Variants in TAS2R1 observed in about 807,000 individuals in gnomAD.
TAS2R1 encodes the protein taste receptor type 2 member 1.
For missense variants in TAS2R1, 370 were observed against 353.4 expected (o/e 1.05, Z -0.38); for synonymous variants, 141 against 134.2 (o/e 1.05, Z -0.35).
chr5:9,713,441 C>T (rs1579796855), upstream of TAS2R1, among the ~76,000 whole-genome samples: 1 of 151,998 alleles, frequency 6.6e-6, no homozygotes, highest in South Asian at 2.1e-4. Context: ...TTTGCAAATG[C>T]GTCTTCTGCT....
At chr5:9,866,823 G>C in the TAS2R1 span, among the ~76,000 whole-genome samples, 2 of 152,214 alleles carry the variant, frequency 1.3e-5, no homozygotes, top group African/African-American at 4.8e-5. Flanking sequence ...CCAAATGCCA[G>C]ACACCTCTCT....
At chr5:9,807,302 TG>T in the TAS2R1 span, among the ~76,000 whole-genome samples, 3 of 152,148 alleles carry the variant, frequency 2.0e-5, no homozygotes, top group African/African-American at 7.2e-5. Flanking sequence ...ACACTGTGGG[TG>T]GGAATGTAAA....
At chr5:9,763,720 A>G in the TAS2R1 span, among the ~76,000 whole-genome samples, 22 of 152,198 alleles carry the variant, frequency 1.4e-4, 1 homozygote, top group African/African-American at 1.2e-4. Context: ...ATGAGAGGGT[A>G]GAGCCAAGTG....
chr5:9,650,922 ATAAT>A (rs1163680563), intron 2 of TAS2R1, among the ~76,000 whole-genome samples: 1 of 152,234 alleles, frequency 6.6e-6, no homozygotes, highest in Non-Finnish European at 1.5e-5. Flanking sequence ...GAATGAATGT[ATAAT>A]TAAATGTTTA....
At chr5:9,710,073 C>T (rs191032124) in intron 1 of TAS2R1, among the ~76,000 whole-genome samples, 6 of 152,348 alleles carry the variant, frequency 3.9e-5, no homozygotes, top group Middle Eastern at 3.4e-3. Flanking sequence ...AAATAGACAT[C>T]ATAACATCTT....
At chr5:9,657,194 C>G (rs1466635122) in intron 2 of TAS2R1, among the ~76,000 whole-genome samples, 1 of 151,772 alleles carries the variant, frequency 6.6e-6, no homozygotes, top group Non-Finnish European at 1.5e-5. Flanking sequence ...TTTAATTTTT[C>G]TTTTCATTTT....
the TAS2R1 span, among the ~76,000 whole-genome samples, chr5:9,720,298 G>C: frequency 1.3e-5 from 2 of 152,310 alleles, no homozygotes; most frequent in African/African-American, 4.8e-5. Context: ...GTCTGGGCTG[G>C]GCTTTCCTGG....
the TAS2R1 span, among the ~76,000 whole-genome samples, chr5:9,761,695 C>T: frequency 6.6e-6 from 1 of 152,198 alleles, no homozygotes; most frequent in Non-Finnish European, 1.5e-5. Context: ...TCCTCTGCGT[C>T]TGCTCTCTGC....
At chr5:9,821,739 AT>A in the TAS2R1 span, among the ~76,000 whole-genome samples, 1 of 152,376 alleles carries the variant, frequency 6.6e-6, no homozygotes, top group Non-Finnish European at 1.5e-5. Context: ...ATTTGGTGGT[AT>A]GTTATTTTGT....
chr5:9,636,990 T>C (rs1739976052), intron 2 of TAS2R1, among the ~76,000 whole-genome samples: 1 of 152,092 alleles, frequency 6.6e-6, no homozygotes, highest in Non-Finnish European at 1.5e-5. Context: ...ACCTTGTTTT[T>C]TTTTTTCCAT....
chr5:9,816,663 T>C, the TAS2R1 span, among the ~76,000 whole-genome samples: 1 of 152,128 alleles, frequency 6.6e-6, no homozygotes, highest in African/African-American at 2.4e-5. Flanking sequence ...AAAAGCAATA[T>C]TACTAGAGGC....
chr5:9,873,168 C>G, the TAS2R1 span, among the ~76,000 whole-genome samples: 1 of 152,174 alleles, frequency 6.6e-6, no homozygotes, highest in African/African-American at 2.4e-5. Context: ...TGGGTGCTTG[C>G]TGCTGAGACC....
chr5:9,806,154 CA>C, the TAS2R1 span, among the ~76,000 whole-genome samples: 6 of 150,936 alleles, frequency 4.0e-5, no homozygotes, highest in Admixed American at 2.6e-4. Flanking sequence ...ACAATAGCTG[CA>C]AAAAAAATAA....
At chr5:9,890,802 C>T in the TAS2R1 span, among the ~76,000 whole-genome samples, 1 of 152,130 alleles carries the variant, frequency 6.6e-6, no homozygotes, top group East Asian at 1.9e-4. Flanking sequence ...GCCACTGTGA[C>T]CTACTTATAA....
chr5:9,675,915 A>T (rs557300178), intron 1 of TAS2R1, among the ~76,000 whole-genome samples: 24 of 152,164 alleles, frequency 1.6e-4, no homozygotes, highest in Non-Finnish European at 3.1e-4. Context: ...TACGAGTGGG[A>T]ATCCTTGTCT....
At chr5:9,880,463 T>C in the TAS2R1 span, among the ~76,000 whole-genome samples, 2 of 152,226 alleles carry the variant, frequency 1.3e-5, no homozygotes, top group Non-Finnish European at 2.9e-5. Flanking sequence ...CAAGGAACCA[T>C]TCTCTGTCGT....
intron 1 of TAS2R1, among the ~76,000 whole-genome samples, chr5:9,666,294 G>A (rs1740631329): frequency 6.6e-6 from 1 of 152,044 alleles, no homozygotes; most frequent in Non-Finnish European, 1.5e-5. Context: ...ACCCTTGATG[G>A]GCCTAGGGCA....
At chr5:9,696,590 TAAAATA>T (rs1027181582) in intron 1 of TAS2R1, among the ~76,000 whole-genome samples, 3 of 148,430 alleles carry the variant, frequency 2.0e-5, no homozygotes, top group Admixed American at 6.6e-5. Flanking sequence ...AATAATAGAG[TAAAATA>T]AAAATAAAAA....
chr5:9,732,772 C>A, the TAS2R1 span, among the ~76,000 whole-genome samples: 257 of 152,150 alleles, frequency 1.7e-3, 1 homozygote, highest in African/African-American at 6.0e-3. Context: ...GAAAGAGAAC[C>A]AATGGGATAT....
Sources: allele counts gnomAD v4.1 joint callset (sites outside exome capture counted in the v4.1 genomes callset), GRCh38; gene constraint gnomAD v4.1.1; transcripts MANE v1.5; gene names NCBI Gene and HGNC (gene_info 2026-07-23, HGNC 2026-07-21).